The following RBMS3 variants were observed in gnomAD, a reference collection of about 807,000 sequenced individuals.
RBMS3 encodes the protein RNA-binding motif, single-stranded-interacting protein 3.
A neutral mutation model predicts 66.8 loss-of-function variants in RBMS3; 27 were observed. That is an observed-to-expected ratio of 0.40 (90% CI 0.30 to 0.56). The LOEUF (loss-of-function observed/expected upper bound fraction) is 0.56. Ranked by LOEUF, RBMS3 falls within the 20% of genes least tolerant of loss-of-function variation. RBMS3 has a pLI of 0.40. For missense variants in RBMS3, 513 were observed against 549.5 expected, an observed-to-expected ratio of 0.93 and a Z score of 0.66; for synonymous variants, 188 against 183.0, an observed-to-expected ratio of 1.03 and a Z score of -0.22.
chr3:29,373,586 A>G (rs1268447962), intron 1 of RBMS3, among the ~76,000 whole-genome samples: 1 of 152,178 alleles, frequency 6.6e-6, no homozygotes, highest in Admixed American at 6.5e-5. Context: ...CCAGACTGTT[A>G]TCAGTGGTTA....
At chr3:29,502,271 T>C in intron 3 of RBMS3, among the ~76,000 whole-genome samples, 1 of 152,052 alleles carries the variant, frequency 6.6e-6, no homozygotes, top group East Asian at 1.9e-4. Context: ...ATTTTACTCA[T>C]GAGGAAACAA....
chr3:29,826,262 A>G (rs2058209344), intron 6 of RBMS3, among the ~76,000 whole-genome samples: 1 of 152,176 alleles, frequency 6.6e-6, no homozygotes, highest in Non-Finnish European at 1.5e-5. Flanking sequence ...TCCTATAGCA[A>G]TTGTTCACTA....
At chr3:29,342,785 G>A (rs890528623) in intron 1 of RBMS3, among the ~76,000 whole-genome samples, 1 of 152,074 alleles carries the variant, frequency 6.6e-6, no homozygotes, top group Non-Finnish European at 1.5e-5. Context: ...TATACAAATA[G>A]TTCATTTGTT....
intron 1 of RBMS3, among the ~76,000 whole-genome samples, chr3:29,388,807 G>C (rs367909811): frequency 6.6e-6 from 1 of 152,070 alleles, no homozygotes; most frequent in African/African-American, 2.4e-5. Flanking sequence ...CTCGTGATCC[G>C]CCCGCCTTGG....
At chr3:29,603,659 CA>C (rs1458004984) in intron 4 of RBMS3, among the ~76,000 whole-genome samples, 1 of 151,968 alleles carries the variant, frequency 6.6e-6, no homozygotes, top group African/African-American at 2.4e-5. Context: ...CAGCATAAAG[CA>C]TATGCATAGA....
chr3:29,362,632 A>T (rs1379048976), intron 1 of RBMS3, among the ~76,000 whole-genome samples: 1 of 152,156 alleles, frequency 6.6e-6, no homozygotes, highest in East Asian at 1.9e-4. Context: ...GGAGCTGTAG[A>T]CTGGAGCTGA....
At position 29,388,553 on chromosome 3, in the gene RBMS3, A is replaced by G. The variant is rs188993540; in HGVS notation, c.76-46190A>G. ...TTGAGGAAACACCACTTTGCCCCCC[A>G]CTGCCAATCTGTGCACTGGCAAAAT... On this transcript the variant is annotated intron_variant, in intron 1 of 14. Transcript: ENST00000383767. Among the ~76,000 whole-genome samples, 185 of 152,244 alleles carry G rather than the reference A, an allele frequency of 1.2e-3. 1 individual carries two copies. Among genetic ancestry groups the G allele is most frequent in the African/African-American group, 4.2e-3 (176 of 41,554 alleles).
chr3:29,555,404 C>A (rs1297977823), intron 3 of RBMS3, among the ~76,000 whole-genome samples: 1 of 152,132 alleles, frequency 6.6e-6, no homozygotes, highest in African/African-American at 2.4e-5. Context: ...GCTTATATTT[C>A]CCCTCTTGTC....
At chr3:29,959,403 A>G (rs933442362) in intron 12 of RBMS3, among the ~76,000 whole-genome samples, 4 of 152,254 alleles carry the variant, frequency 2.6e-5, no homozygotes, top group Middle Eastern at 3.4e-3. Context: ...CTTGACCCAG[A>G]TCTACTGAAC....
At chr3:29,491,769 G>A (rs558944257) in intron 3 of RBMS3, among the ~76,000 whole-genome samples, 19 of 152,296 alleles carry the variant, frequency 1.2e-4, no homozygotes, top group Non-Finnish European at 2.4e-4. Flanking sequence ...CAAGATGGGC[G>A]GATCACAAGG....
intron 3 of RBMS3, among the ~76,000 whole-genome samples, chr3:29,533,997 C>A (rs1023868725): frequency 2.6e-5 from 4 of 152,160 alleles, no homozygotes; most frequent in African/African-American, 9.7e-5. Flanking sequence ...CCATTTTGTT[C>A]ATGGAAATGT....
chr3:29,477,818 T>C (rs112738701), intron 2 of RBMS3, among the ~76,000 whole-genome samples: 8,662 of 152,212 alleles, frequency 0.057, 285 homozygotes, highest in Admixed American at 0.11. Context: ...TAGGCTGGAG[T>C]GCAGTCGTGC....
At chr3:29,526,819 TC>T (rs2045131862) in intron 3 of RBMS3, among the ~76,000 whole-genome samples, 1 of 151,798 alleles carries the variant, frequency 6.6e-6, no homozygotes, top group African/African-American at 2.4e-5. Flanking sequence ...CACCTCCAAT[TC>T]CTCCCTCTCT....
At chr3:29,884,308 A>G in intron 8 of RBMS3, 100 bp downstream of exon 8, 1 of 1,096,904 alleles carries the variant, frequency 9.1e-7, no homozygotes. Context: ...CTTTTGTTTT[A>G]CATCCTTAAA....
At chr3:29,864,938 G>C (rs144754925) in intron 6 of RBMS3, among the ~76,000 whole-genome samples, 54 of 110,778 alleles carry the variant, frequency 4.9e-4, no homozygotes, top group Non-Finnish European at 8.4e-4. Flanking sequence ...AAGAGAGAGA[G>C]AGGAAGGAGG....
intron 1 of RBMS3, among the ~76,000 whole-genome samples, chr3:29,346,051 T>G (rs901147730): frequency 2.0e-5 from 3 of 152,206 alleles, no homozygotes; most frequent in Non-Finnish European, 4.4e-5. Flanking sequence ...TCCCAGCCCC[T>G]TTTGCCAGGT....
chr3:29,554,528 T>C (rs952394916), intron 3 of RBMS3, among the ~76,000 whole-genome samples: 3 of 152,156 alleles, frequency 2.0e-5, no homozygotes, highest in African/African-American at 7.2e-5. Context: ...AGTAAATAAG[T>C]ATCCACAAAA....
At chr3:29,300,439 G>A (rs1298835786) in intron 1 of RBMS3, among the ~76,000 whole-genome samples, 1 of 151,908 alleles carries the variant, frequency 6.6e-6, no homozygotes, top group Non-Finnish European at 1.5e-5. Context: ...TTAAATGAAT[G>A]ACGTTTTATC....
At chr3:29,485,556 T>C (rs2043289851) in intron 2 of RBMS3, among the ~76,000 whole-genome samples, 1 of 152,166 alleles carries the variant, frequency 6.6e-6, no homozygotes, top group African/African-American at 2.4e-5. Flanking sequence ...CAATGCTGTA[T>C]TAGGGAGTTC....
Sources: gnomAD v4.1 joint callset for allele counts (sites outside exome capture counted in the v4.1 genomes callset) on GRCh38, gnomAD v4.1.1 for gene constraint, MANE v1.5 for transcripts, NCBI Gene and HGNC (gene_info 2026-07-23, HGNC 2026-07-21) for gene names.